LRRFIP1: variants seen among roughly 807,000 people sequenced by gnomAD.
The protein encoded by LRRFIP1 is LRR binding FLII interacting protein 1, also known as leucine-rich repeat flightless-interacting protein 1.
Under a neutral mutation model 104.4 loss-of-function variants are expected in LRRFIP1, and 62 were observed. The ratio of observed to expected loss-of-function variants is 0.59; its 90% CI spans 0.48 to 0.73. The LOEUF (loss-of-function observed/expected upper bound fraction) is 0.73. Among genes scored for constraint, LRRFIP1 ranks in the 30% least tolerant of loss-of-function variants. The pLI is 0.00. For missense variants in LRRFIP1, 796 were observed against 824.5 expected (o/e 0.97, Z 0.42); for synonymous variants, 300 against 299.0 (o/e 1.00, Z -0.03).
intron 8 of LRRFIP1, among the ~76,000 whole-genome samples, chr2:237,730,746 G>A (rs1232550810): frequency 1.3e-5 from 2 of 152,136 alleles, no homozygotes; most frequent in South Asian, 4.1e-4. Context: ...ATGAAACCCC[G>A]TCTCTACTAA....
intron 1 of LRRFIP1, among the ~76,000 whole-genome samples, chr2:237,658,498 A>G (rs370404351): frequency 7.9e-5 from 12 of 152,354 alleles, no homozygotes; most frequent in African/African-American, 2.6e-4. Context: ...AAAGATTAGT[A>G]GGGGGCTGTG....
intron 19 of LRRFIP1, among the ~76,000 whole-genome samples, chr2:237,767,071 G>T (rs967383114): frequency 3.3e-5 from 5 of 152,142 alleles, no homozygotes; most frequent in African/African-American, 4.8e-5. Context: ...TGTAGTCCCA[G>T]CTACTTAGGA....
chr2:237,729,374 T>C lies in LRRFIP1; in HGVS notation c.444+1439T>C, dbSNP rs1384565851. On this transcript the variant is annotated intron_variant, in intron 8 of 23. Transcript: ENST00000308482. Reference sequence around the variant, plus strand: ...TTTCTGGCACCCCAGGGCTGAGCTATAGCCCGCAGGCGGGCTGGGCTGAAG... The same window carrying C: ...TTTCTGGCACCCCAGGGCTGAGCTACAGCCCGCAGGCGGGCTGGGCTGAAG... Among the ~76,000 whole-genome samples, 5 of 152,246 alleles carry C rather than the reference T, an allele frequency of 3.3e-5. No individual in the cohort carries two copies. In the East Asian group the frequency reaches 9.6e-4, roughly 29 times the overall value.
chr2:237,642,326 C>T (rs1000228427), intron 1 of LRRFIP1, among the ~76,000 whole-genome samples: 1 of 152,240 alleles, frequency 6.6e-6, no homozygotes, highest in African/African-American at 2.4e-5. Flanking sequence ...TTCTAGGCTG[C>T]ACGCCTGGTT....
intron 4 of LRRFIP1, among the ~76,000 whole-genome samples, chr2:237,718,060 C>T (rs886076404): frequency 2.6e-5 from 4 of 152,228 alleles, no homozygotes; most frequent in Non-Finnish European, 4.4e-5. Flanking sequence ...CTGCTGATGT[C>T]TCCTGGCCAG....
At chr2:237,708,684 C>G (rs1405812777) in intron 2 of LRRFIP1, 54 bp downstream of exon 2, 1 of 1,547,180 alleles carries the variant, frequency 6.5e-7, no homozygotes, top group Non-Finnish European at 8.8e-7. Context: ...CGTGCTGGGC[C>G]CAGGGTGCAA....
chr2:237,629,047 C>T (rs1309141323), intron 1 of LRRFIP1, among the ~76,000 whole-genome samples: 2 of 152,186 alleles, frequency 1.3e-5, no homozygotes, highest in Non-Finnish European at 2.9e-5. Context: ...ATGGCATGCC[C>T]GCGCCTGGCA....
intron 19 of LRRFIP1, chr2:237,762,563 ACAT>A (rs2059987094): frequency 6.7e-7 from 1 of 1,497,376 alleles, no homozygotes; most frequent in Admixed American, 1.9e-5. Context: ...TGTGGCCGCC[ACAT>A]CATGGGGTCC....
At chr2:237,738,740 A>G (rs1173083425) in intron 10 of LRRFIP1, among the ~76,000 whole-genome samples, 2 of 152,240 alleles carry the variant, frequency 1.3e-5, no homozygotes, top group Non-Finnish European at 1.5e-5. Context: ...TAATCTGGCA[A>G]TTTAAAAAGC....
chr2:237,774,526 A>G, intron 23 of LRRFIP1, 64 bp downstream of exon 23: 1 of 1,063,872 alleles, frequency 9.4e-7, no homozygotes, highest in Non-Finnish European at 1.4e-6. Context: ...TGGGGACGGT[A>G]CAGAGAGGAT....
In LRRFIP1 at chr2:237,735,044, T is replaced by C. The variant is rs1029578245; in HGVS notation, c.490-224T>C. On this transcript the variant is annotated intron_variant, in intron 9 of 23. Transcript: ENST00000308482. The surrounding 1 kb of genome is among the most constrained non-coding windows in gnomAD (Gnocchi z 4.6). ...TTTAAATGGTCTGTTGGAGATTACA[T>C]TGCACACCTCCTGACAACGACTAAA... Among the ~76,000 whole-genome samples the C allele has an allele frequency of 1.3e-5, 2 of 152,188 alleles. No homozygotes were observed. The highest frequency in any genetic ancestry group is 2.9e-5 in the Non-Finnish European group (2 of 68,040).
At chr2:237,689,408 C>T (rs1194793540) in intron 1 of LRRFIP1, among the ~76,000 whole-genome samples, 1 of 152,222 alleles carries the variant, frequency 6.6e-6, no homozygotes, top group Non-Finnish European at 1.5e-5. Context: ...ATCCTCTCAT[C>T]TAGAAGGGTG....
chr2:237,729,839 G>A, intron 8 of LRRFIP1: 3 of 985,284 alleles, frequency 3.0e-6, no homozygotes, highest in Non-Finnish European at 2.4e-6. Context: ...GGGAGGAGAA[G>A]TTGGTTGGTT....
At position 237,735,178 on chromosome 2, in the gene LRRFIP1, T is replaced by C; in HGVS notation, c.490-90T>C. ...TTTCAGGTCATGCTCCTGGCACGTG[T>C]CAGTTTTTCACAGCTCACGTTTTCA... On this transcript the variant is annotated intron_variant, in intron 9 of 23. Transcript: ENST00000308482. The surrounding 1 kb of genome is among the most constrained non-coding windows in gnomAD (Gnocchi z 4.6). The C allele has an allele frequency of 2.9e-6, 3 of 1,030,586 alleles. No homozygotes were observed. The highest frequency in any genetic ancestry group is 4.4e-6 in the Non-Finnish European group (3 of 688,114). 63.8% of individuals were successfully genotyped at this position (1,030,586 alleles called of 1,614,324 possible).
chr2:237,750,399 C>T (rs951300113), intron 13 of LRRFIP1, among the ~76,000 whole-genome samples: 1 of 139,168 alleles, frequency 7.2e-6, no homozygotes, highest in Admixed American at 7.7e-5. Context: ...TTCAATGGCA[C>T]GATCTCGGCT....
chr2:237,764,036 T>A, intron 19 of LRRFIP1: 1 of 1,614,126 alleles, frequency 6.2e-7, no homozygotes, highest in Non-Finnish European at 8.5e-7. Flanking sequence ...CGATGACTTG[T>A]CGGCACCAGG....
chr2:237,764,412 T>C (rs1199823696), intron 19 of LRRFIP1: 3 of 1,353,218 alleles, frequency 2.2e-6, no homozygotes, highest in Non-Finnish European at 2.9e-6. Flanking sequence ...GTCTACTGTT[T>C]ATAGTCCACT....
At chr2:237,692,171 ACGGGCGGAGGCGCCCGAGTCC>A in intron 1 of LRRFIP1, 2 of 1,016,738 alleles carry the variant, frequency 2.0e-6, no homozygotes, top group Non-Finnish European at 2.3e-6. Context: ...GGGCCGTGGG[ACGGGCGGAGGCGCCCGAGTCC>A]CGCTTCCCCG....
intron 19 of LRRFIP1, among the ~76,000 whole-genome samples, chr2:237,761,644 T>G (rs963614105): frequency 1.3e-5 from 2 of 152,228 alleles, no homozygotes; most frequent in Non-Finnish European, 2.9e-5. Flanking sequence ...GTATACTATT[T>G]CATTAATATA....
Sources: allele counts gnomAD v4.1 joint callset (sites outside exome capture counted in the v4.1 genomes callset), GRCh38; gene constraint gnomAD v4.1.1; non-coding constraint Gnocchi (gnomAD v3.1); transcripts MANE v1.5; gene names NCBI Gene and HGNC (gene_info 2026-07-23, HGNC 2026-07-21).